The following CCHCR1 variants were observed in gnomAD, a reference collection of about 807,000 sequenced individuals.
CCHCR1 encodes the protein HCR (a-helix coiled-coil rod homologue).
CCHCR1 carries 91 observed loss-of-function variants against 114.6 expected under a neutral mutation model. The ratio of observed to expected loss-of-function variants is 0.79; its 90% confidence interval spans 0.67 to 0.94. The LOEUF is 0.94. Among genes scored for constraint, CCHCR1 ranks in the 40% least tolerant of loss-of-function variants. CCHCR1 has a pLI of 0.00. For synonymous variants in CCHCR1, 379 were observed against 428.5 expected, an observed-to-expected ratio of 0.88 and a Z score of 1.43; for missense variants, 899 against 1,079.9, an observed-to-expected ratio of 0.83 and a Z score of 2.35.
In CCHCR1 at chr6:31,143,519, G is replaced by A. The variant is rs1773862965; in HGVS notation, c.2168-106C>T. On this transcript the variant is annotated intron_variant, in intron 15 of 17. Coordinates refer to ENST00000396268, the MANE Select transcript of CCHCR1 (RefSeq NM_001105564.2). This position sits in a 1 kb window ranked among gnomAD's most constrained non-coding sequence, Gnocchi z 5.3. ...GCTGGGTCACCAACTCTGTGGCTTG[G>A]GGAGGCTGTTCTGCTCTGTGGATCT... The A allele has an allele frequency of 8.1e-7, 1 of 1,240,484 alleles. No homozygotes were observed. The highest frequency in any genetic ancestry group is 1.5e-5 in the African/African-American group (1 of 66,786). 76.8% of individuals were successfully genotyped at this position (1,240,484 alleles called of 1,614,324 possible).
chr6:31,148,064 C>T (rs1243812977), intron 10 of CCHCR1, among the ~76,000 whole-genome samples: 1 of 152,132 alleles, frequency 6.6e-6, no homozygotes, highest in African/African-American at 2.4e-5. Flanking sequence ...GATGAAGTGT[C>T]TACACTCTCC....
Position 31,144,057 on chromosome 6 carries a change from A to AGAC in CCHCR1, c.2167+629_2167+630insGTC, listed in dbSNP as rs1561791851. On this transcript the variant is annotated intron_variant, in intron 15 of 17. Coordinates refer to ENST00000396268, the MANE Select transcript of CCHCR1 (RefSeq NM_001105564.2). The surrounding 1 kb of genome is among the most constrained non-coding windows in gnomAD (Gnocchi z 4.6). ...TGGTGACAGAGGAAGACTCTGTCTCAAACAACAACAACAACAAAACATTAA... is the reference window on the plus strand; with the variant it reads ...TGGTGACAGAGGAAGACTCTGTCTCAGACAACAACAACAACAACAAAACATTAA... Among the ~76,000 whole-genome samples, 1 of 150,470 alleles carries AGAC rather than the reference A, an allele frequency of 6.6e-6. No homozygotes were observed. The highest frequency in any genetic ancestry group is 1.5e-5 in the Non-Finnish European group (1 of 67,836).
At position 31,150,610 on chromosome 6, in the gene CCHCR1, C is replaced by T; in HGVS notation, c.1102-45G>A. ...GCCCCTCTGTAGGGCCTCCATGCCG[C>T]CTTAGGTACCACCTTCTCTCCCGGA... On this transcript the variant is annotated intron_variant, in intron 6 of 17. Coordinates refer to ENST00000396268, the MANE Select transcript of CCHCR1 (RefSeq NM_001105564.2). This position sits in a 1 kb window ranked among gnomAD's most constrained non-coding sequence, Gnocchi z 5.3. The T allele has an allele frequency of 6.3e-7, 1 of 1,593,934 alleles. No individual in the cohort carries two copies. Among genetic ancestry groups the T allele is most frequent in the Non-Finnish European group, 8.6e-7 (1 of 1,166,668 alleles).
At chr6:31,147,128 C>T (rs1774444420) in intron 10 of CCHCR1, among the ~76,000 whole-genome samples, 4 of 152,046 alleles carry the variant, frequency 2.6e-5, no homozygotes, top group South Asian at 4.1e-4. Flanking sequence ...CGGCCAGGCA[C>T]GGTGGCTCAA....
Position 31,148,664 on chromosome 6 carries a change from A to G in CCHCR1, c.1427T>C (p.Leu476Pro), listed in dbSNP as rs778887847. 9 of 1,612,998 alleles carry G rather than the reference A, an allele frequency of 5.6e-6. No homozygotes were observed. The highest frequency in any genetic ancestry group is 7.6e-6 in the Non-Finnish European group (9 of 1,179,986). Residue 476 changes from leucine to proline, a missense_variant, in exon 9 of 18, where the codon CTG (leucine) becomes CCG (proline). By Grantham distance (98) the Leu-to-Pro change is moderately conservative (BLOSUM62 -3). Transcript: ENST00000396268. ...CTCCACCTCTGCGGCTTTGTCCTGC[A>G]GGGATCGCTGCAGGATGGCCTGCTC... Reference protein sequence around the residue: ...SQEQAILQRSLQDKAAEVEVE... With the variant: ...SQEQAILQRSPQDKAAEVEVE...
At position 31,157,617 on chromosome 6, in the gene CCHCR1, C is replaced by T. The variant is rs1192211904; in HGVS notation, c.-17G>A. ...TGGCCACATGCAGGGCTAGACCCTC[C>T]CCAAGACCTTGGGAATCCAGGCCGC... On this transcript the variant is annotated 5_prime_UTR_variant, in exon 1 of 18. Coordinates refer to ENST00000396268, the MANE Select transcript of CCHCR1 (RefSeq NM_001105564.2). 4.4e-6 allele frequency: 7 copies of T among 1,595,086 alleles called. No homozygotes were observed. The African/African-American group carries it at 9.4e-5, about 21-fold the overall frequency.
chr6:31,156,923 G>T lies in CCHCR1; in HGVS notation c.305C>A (p.Pro102His), dbSNP rs770854892. The T allele has an allele frequency of 3.1e-6, 5 of 1,612,758 alleles. No homozygotes were observed. The African/African-American group carries it at 4.0e-5, about 13-fold the overall frequency. ...AAGGGGCCGAGCTTGAAAGTGGGAG[G>T]GGGGAATCAGCCCAGTGGAACCTGA... is the stretch of plus-strand genomic sequence containing the variant. ...PPSGSTGLIP[P>H]SHFQARPLST... The change falls in exon 3 of 18, where the codon CCC (proline) becomes CAC (histidine). Residue 102 changes from proline (P) to histidine (H), a missense_variant. Transcript: ENST00000396268.
intron 10 of CCHCR1, among the ~76,000 whole-genome samples, chr6:31,147,167 G>C (rs976084229): frequency 6.6e-6 from 1 of 152,124 alleles, no homozygotes; most frequent in Admixed American, 6.5e-5. Flanking sequence ...TTGGGAGGCC[G>C]AGGCGGGCGG....
Position 31,154,925 on chromosome 6 carries a change from G to T in CCHCR1, c.498-126C>A. On this transcript the variant is annotated intron_variant, in intron 3 of 17. Transcript: ENST00000396268. The surrounding 1 kb of genome is among the most constrained non-coding windows in gnomAD (Gnocchi z 4.1). ...TTCCGTGTGGGGAGGTGAAGGGGGT[G>T]CTGAAGCTGGGGTATGGGGATGTCT... is the stretch of plus-strand genomic sequence containing the variant. 1.2e-6 allele frequency: 1 copy of T among 827,576 alleles called. No individual in the cohort carries two copies. The highest frequency in any genetic ancestry group is 1.8e-6 in the Non-Finnish European group (1 of 545,336). The allele number at this position is 827,576 out of a possible 1,614,324, so 51.3% of individuals were successfully genotyped here.
Position 31,148,687 on chromosome 6 carries a change from C to T in CCHCR1, c.1404G>A (p.Glu468=). The T allele has an allele frequency of 6.2e-7, 1 of 1,612,974 alleles. No individual in the cohort carries two copies. The highest frequency in any genetic ancestry group is 8.5e-7 in the Non-Finnish European group (1 of 1,179,948). Residue 468 remains glutamate, a synonymous_variant, in exon 9 of 18, where the codon GAG becomes GAA. Transcript: ENST00000396268. ...LQEKVTSQSQ[E]QAILQRSLQD... ...GCAGGGATCGCTGCAGGATGGCCTG[C>T]TCCTGGCTCTGGGATGTCACTTTTT...
At position 31,143,382 on chromosome 6, in the gene CCHCR1, G is replaced by C. The variant is rs760608377; in HGVS notation, c.2199C>G (p.Ala733=). The change falls in exon 16 of 18, where the codon GCC becomes GCG. Residue 733 remains alanine, a synonymous_variant. Coordinates refer to ENST00000396268, the MANE Select transcript of CCHCR1 (RefSeq NM_001105564.2). The surrounding 1 kb of genome is among the most constrained non-coding windows in gnomAD (Gnocchi z 5.3). ...VVSLRQIQRR[A]AQEKERSQEL... ...CCTGGCTCCGCTCCTTTTCCTGGGC[G>C]GCTCTGCGCTGAATCTGGCGTAAGG... The C allele has an allele frequency of 1.2e-6, 2 of 1,612,946 alleles. No homozygotes were observed. The highest frequency in any genetic ancestry group is 1.7e-6 in the Non-Finnish European group (2 of 1,180,014).
intron 11 of CCHCR1, 90 bp downstream of exon 11, chr6:31,145,606 G>T: frequency 7.0e-7 from 1 of 1,421,916 alleles, no homozygotes; most frequent in Non-Finnish European, 9.9e-7. Flanking sequence ...AAGGTGAATG[G>T]ATGTGGGATC....
In CCHCR1 at chr6:31,154,985, T is replaced by C. The variant is rs1775782489; in HGVS notation, c.498-186A>G. Among the ~76,000 whole-genome samples the C allele has an allele frequency of 6.6e-6, 1 of 152,110 alleles. No homozygotes were observed. Among genetic ancestry groups the C allele is most frequent in the Non-Finnish European group, 1.5e-5 (1 of 68,006 alleles). On this transcript the variant is annotated intron_variant, in intron 3 of 17. Coordinates refer to ENST00000396268, the MANE Select transcript of CCHCR1 (RefSeq NM_001105564.2). This position sits in a 1 kb window ranked among gnomAD's most constrained non-coding sequence, Gnocchi z 4.1. ...TCATCATCATTCATCAAAGCCCTAT[T>C]GAGCATGTTGAGTCCAGTGCCTGGA...
At chr6:31,153,017 G>T (rs116623790) in intron 4 of CCHCR1, among the ~76,000 whole-genome samples, 1 of 151,996 alleles carries the variant, frequency 6.6e-6, no homozygotes, top group Non-Finnish European at 1.5e-5. Flanking sequence ...TTTTAGTCTC[G>T]CTCTGCTGCC....
intron 4 of CCHCR1, among the ~76,000 whole-genome samples, chr6:31,152,799 T>C (rs1015685364): frequency 6.6e-6 from 1 of 151,840 alleles, no homozygotes; most frequent in African/African-American, 2.4e-5. Context: ...TATGGGAAAG[T>C]AGCAAGTTCT....
intron 3 of CCHCR1, chr6:31,156,495 T>C: frequency 1.9e-6 from 1 of 531,436 alleles, no homozygotes; most frequent in Non-Finnish European, 3.3e-6. Flanking sequence ...CCTCTTAGGA[T>C]TTTAGATTCC....
chr6:31,145,594 G>A, intron 11 of CCHCR1, 101 bp from the exon 12 acceptor site: 1 of 1,447,434 alleles, frequency 6.9e-7, no homozygotes, highest in South Asian at 1.1e-5. Flanking sequence ...GGTGAAAGGA[G>A]GAAGGTGAAT....
At chr6:31,145,648 G>A (rs926706876) in intron 11 of CCHCR1, 48 bp downstream of exon 11, 36 of 1,496,362 alleles carry the variant, frequency 2.4e-5, no homozygotes, top group Non-Finnish European at 3.2e-5. Flanking sequence ...AAGAAAGTCC[G>A]AGCTGGTGGG....
intron 2 of CCHCR1, 24 bp from the exon 3 acceptor site, chr6:31,156,968 T>C: frequency 5.0e-6 from 8 of 1,612,446 alleles, no homozygotes; most frequent in Non-Finnish European, 6.8e-6. Flanking sequence ...AAAACAAAGA[T>C]GGTCAGTTTC....
Sources: allele counts gnomAD v4.1 joint callset (sites outside exome capture counted in the v4.1 genomes callset), GRCh38; gene constraint gnomAD v4.1.1; non-coding constraint Gnocchi (gnomAD v3.1); transcripts MANE v1.5; gene names NCBI Gene and HGNC (gene_info 2026-07-23, HGNC 2026-07-21).